GTF2H5: variants seen among roughly 807,000 people sequenced by gnomAD.
GTF2H5 encodes TFB5 ortholog.
A neutral mutation model predicts 7.1 loss-of-function variants in GTF2H5; 5 were observed. The ratio of observed to expected loss-of-function variants is 0.71; its 90% CI spans 0.37 to 1.49. The LOEUF (loss-of-function observed/expected upper bound fraction) is 1.49, where lower values mean the gene tolerates loss of function less well. Among genes scored for constraint, GTF2H5 ranks in the 40% most tolerant of loss-of-function variants. The pLI, the probability that GTF2H5 is intolerant of heterozygous loss-of-function variation, is 0.03. For missense variants in GTF2H5, 80 were observed against 83.0 expected, an observed-to-expected ratio of 0.96 and a Z score of 0.14; for synonymous variants, 30 against 31.7, an observed-to-expected ratio of 0.95 and a Z score of 0.18.
intron 2 of GTF2H5, among the ~76,000 whole-genome samples, chr6:158,185,748 C>T (rs560629709): frequency 1.1e-4 from 17 of 152,172 alleles, no homozygotes; most frequent in Non-Finnish European, 2.1e-4. Context: ...TGGCTCACAA[C>T]TGTAATCCCA....
intron 2 of GTF2H5, chr6:158,190,972 A>G (rs768128758): frequency 4.0e-6 from 2 of 504,808 alleles, no homozygotes; most frequent in African/African-American, 2.0e-5. Context: ...CCTTATGACT[A>G]TCCTATTCTT....
chr6:158,178,976 T>C (rs1388384430), intron 2 of GTF2H5, among the ~76,000 whole-genome samples: 7 of 152,250 alleles, frequency 4.6e-5, no homozygotes, highest in Non-Finnish European at 2.9e-5. Context: ...TTTATGGTCC[T>C]AGGTGTTATG....
intron 1 of GTF2H5, among the ~76,000 whole-genome samples, chr6:158,169,712 TTA>T (rs1785797661): frequency 2.9e-5 from 2 of 67,860 alleles, no homozygotes; most frequent in Non-Finnish European, 5.2e-5. Context: ...ATATTGTATA[TTA>T]TATATTATAT....
chr6:158,169,638 CATATATT>C (rs1378015241), intron 1 of GTF2H5, among the ~76,000 whole-genome samples: 1 of 44,492 alleles, frequency 2.2e-5, no homozygotes, highest in Non-Finnish European at 3.5e-5. Flanking sequence ...TTGTATATTA[CATATATT>C]GTATATTACA....
Position 158,186,237 on chromosome 6 carries a change from A to G in GTF2H5, c.36-5740A>G, listed in dbSNP as rs148361853. Among the ~76,000 whole-genome samples the G allele has an allele frequency of 9.8e-3, 1,500 of 152,350 alleles. 26 individuals are homozygous for G. Among genetic ancestry groups the G allele is most frequent in the African/African-American group, 0.034 (1,401 of 41,584 alleles). ...GCATTGGTGTGATGATTCAGCACAG[A>G]TATGAGTCCTGAGGCGCTTCTTGGT... is the stretch of plus-strand genomic sequence containing the variant. On this transcript the variant is annotated intron_variant, in intron 2 of 2. Transcript: ENST00000607778.
intron 2 of GTF2H5, among the ~76,000 whole-genome samples, chr6:158,173,304 T>C (rs914425414): frequency 6.6e-6 from 1 of 152,190 alleles, no homozygotes; most frequent in Non-Finnish European, 1.5e-5. Flanking sequence ...TTCAAAAGGG[T>C]AACTCTGTCT....
intron 2 of GTF2H5, among the ~76,000 whole-genome samples, chr6:158,173,779 C>G (rs1785890684): frequency 6.6e-6 from 1 of 151,838 alleles, no homozygotes; most frequent in Non-Finnish European, 1.5e-5. Flanking sequence ...GGGTGGCTAC[C>G]CCATAGGCAG....
rs1777135595 is a variant in GTF2H5, at chr6:158,197,794, C to G, written c.*5637C>G. The G allele has an allele frequency of 6.6e-6, 1 of 152,040 alleles. No homozygotes were observed. The highest frequency in any genetic ancestry group is 1.5e-5 in the Non-Finnish European group (1 of 68,014). The allele number at this position is 152,040 out of a possible 1,614,324, so 9.4% of individuals were successfully genotyped here. ...AATCATTAGGTATCCATCTCCCAGT[C>G]CTGATTTGGCTCCTTCTGACTTCTT... On this transcript the variant is annotated 3_prime_UTR_variant, in exon 3 of 3. Coordinates refer to ENST00000607778, the MANE Select transcript of GTF2H5 (RefSeq NM_207118.3).
In GTF2H5 at chr6:158,170,459, C is replaced by A; in HGVS notation, c.-34-11C>A. 6.6e-7 allele frequency: 1 copy of A among 1,515,952 alleles called. No homozygotes were observed. The highest frequency in any genetic ancestry group is 1.7e-5 in the Admixed American group (1 of 59,878). 93.9% of individuals were successfully genotyped at this position (1,515,952 alleles called of 1,614,324 possible). ...ATTTTTAATTTAATGTTACCTTACT[C>A]TTTTTATTAGCATTCTTCAGGTCAT... On this transcript the variant is annotated splice_polypyrimidine_tract_variant and intron_variant, in intron 1 of 2. Transcript: ENST00000607778.
In GTF2H5 at chr6:158,168,407, G is replaced by A. The variant is rs954715273; in HGVS notation, c.-35+12G>A. On this transcript the variant is annotated intron_variant, in intron 1 of 2. Coordinates refer to ENST00000607778, the MANE Select transcript of GTF2H5 (RefSeq NM_207118.3). ...ATCTGTGGGCCGAGGTGTGTGGCGA[G>A]CGTCCGAGCGGCTGGGGAAAGTGGG... is the stretch of plus-strand genomic sequence containing the variant. The A allele has an allele frequency of 2.6e-5, 4 of 152,430 alleles. No homozygotes were observed. Among genetic ancestry groups the A allele is most frequent in the Non-Finnish European group, 2.9e-5 (2 of 68,214 alleles). 9.4% of individuals were successfully genotyped at this position (152,430 alleles called of 1,614,324 possible).
intron 1 of GTF2H5, among the ~76,000 whole-genome samples, chr6:158,168,951 T>C (rs969558601): frequency 2.1e-5 from 3 of 144,982 alleles, no homozygotes; most frequent in Admixed American, 1.4e-4. Context: ...TACAATAAAT[T>C]GGCCTGGCGC....
At chr6:158,176,188 A>G (rs892717645) in intron 2 of GTF2H5, among the ~76,000 whole-genome samples, 3 of 152,084 alleles carry the variant, frequency 2.0e-5, no homozygotes, top group African/African-American at 7.2e-5. Context: ...AACGTTACAT[A>G]TACTATCTCT....
rs1562468565 is a variant in GTF2H5 at position 158,169,539 on chromosome 6, A to ATATAATATACAGTATATTACC, written c.-34-921_-34-920insAGTATATTACCTATAATATAC. Among the ~76,000 whole-genome samples the ATATAATATACAGTATATTACC allele has an allele frequency of 2.2e-5, 2 of 90,664 alleles. 1 individual carries two copies. Among genetic ancestry groups the ATATAATATACAGTATATTACC allele is most frequent in the African/African-American group, 9.1e-5 (2 of 21,858 alleles). The allele number at this position is 90,664 out of a possible 152,430, so 59.5% of individuals were successfully genotyped here. A position where few individuals can be genotyped will look rare whatever the true frequency, so the allele number is the denominator to read the frequency against. On this transcript the variant is annotated intron_variant, in intron 1 of 2. Transcript: ENST00000607778. ...TTATATATAATATACAGTATATTAT[A>ATATAATATACAGTATATTACC]TATAATATACTGTATATTATATATA... is the stretch of plus-strand genomic sequence containing the variant.
rs1440606610 is a variant in GTF2H5, at chr6:158,199,309, C to T, written c.*7152C>T. Reference sequence around the variant, plus strand: ...TCCATGGGACAAGCATGTACATGCACCCCCTGAGTCTAAAATAAAAATTTT... The same window carrying T: ...TCCATGGGACAAGCATGTACATGCATCCCCTGAGTCTAAAATAAAAATTTT... On this transcript the variant is annotated 3_prime_UTR_variant, in exon 3 of 3. Transcript: ENST00000607778. The T allele has an allele frequency of 2.6e-5, 4 of 152,194 alleles. No homozygotes were observed. Among genetic ancestry groups the T allele is most frequent in the Non-Finnish European group, 4.4e-5 (3 of 68,018 alleles). The allele number at this position is 152,194 out of a possible 1,614,324, so 9.4% of individuals were successfully genotyped here. A position where few individuals can be genotyped will look rare whatever the true frequency, so the allele number is the denominator to read the frequency against.
chr6:158,185,176 C>G (rs1334165373), intron 2 of GTF2H5, among the ~76,000 whole-genome samples: 1 of 146,626 alleles, frequency 6.8e-6, no homozygotes, highest in Admixed American at 6.8e-5. Flanking sequence ...ATTAAAGAGT[C>G]TTTTTAAATC....
At chr6:158,176,447 GA>G (rs1183722570) in intron 2 of GTF2H5, among the ~76,000 whole-genome samples, 1 of 152,098 alleles carries the variant, frequency 6.6e-6, no homozygotes, top group Non-Finnish European at 1.5e-5. Flanking sequence ...GGCTGGTCTT[GA>G]ACTCCTGACC....
Position 158,169,502 on chromosome 6 carries a change from A to AG in GTF2H5, c.-34-968_-34-967insG, listed in dbSNP as rs1562468415. ...TATATAATATATTGTATATTATATAATATATTGTATATTATATATAATATA... is the reference window on the plus strand; with the variant it reads ...TATATAATATATTGTATATTATATAAGTATATTGTATATTATATATAATATA... On this transcript the variant is annotated intron_variant, in intron 1 of 2. Transcript: ENST00000607778. Among the ~76,000 whole-genome samples, 2 of 62,744 alleles carry AG rather than the reference A, an allele frequency of 3.2e-5. 1 individual carries two copies. Among genetic ancestry groups the AG allele is most frequent in the East Asian group, 1.0e-3 (2 of 1,918 alleles). The allele number at this position is 62,744 out of a possible 152,430, so 41.2% of individuals were successfully genotyped here.
intron 1 of GTF2H5, among the ~76,000 whole-genome samples, chr6:158,169,175 A>C (rs912472346): frequency 8.0e-4 from 118 of 148,152 alleles, no homozygotes; most frequent in Non-Finnish European, 1.6e-3. Flanking sequence ...CAGAGGTTGC[A>C]GTGAGCCGAC....
At chr6:158,170,186 G>A (rs1028555206) in intron 1 of GTF2H5, among the ~76,000 whole-genome samples, 6 of 152,068 alleles carry the variant, frequency 3.9e-5, no homozygotes, top group African/African-American at 1.4e-4. Flanking sequence ...TTTATACCTG[G>A]GTTGGGCACA....
Sources: allele counts gnomAD v4.1 joint callset (sites outside exome capture counted in the v4.1 genomes callset), GRCh38; gene constraint gnomAD v4.1.1; transcripts MANE v1.5; gene names NCBI Gene and HGNC (gene_info 2026-07-23, HGNC 2026-07-21).